The following WDR25 variants were observed in gnomAD, a reference collection of about 807,000 sequenced individuals.
The protein encoded by WDR25 is WD repeat-containing protein 25.
WDR25 carries 35 observed loss-of-function variants against 47.7 expected under a neutral mutation model. The ratio of observed to expected loss-of-function variants is 0.73; its 90% CI spans 0.56 to 0.97. The LOEUF (loss-of-function observed/expected upper bound fraction) is 0.97. Ranked by LOEUF, WDR25 falls within the 50% of genes least tolerant of loss-of-function variation. WDR25 has a pLI of 0.00. For missense variants in WDR25, 634 were observed against 704.7 expected (o/e 0.90, Z 1.14); for synonymous variants, 248 against 278.9 (o/e 0.89, Z 1.10).
rs1898243900 is a variant in WDR25, at chr14:100,428,787, A to G, written c.823-39234A>G. Among the ~76,000 whole-genome samples the G allele has an allele frequency of 6.6e-6, 1 of 152,186 alleles. No individual in the cohort carries two copies. The highest frequency in any genetic ancestry group is 2.4e-5 in the African/African-American group (1 of 41,436). ...TCGCTTTTATTCTACTTTGAATGTA[A>G]TTTAGTTGCACATTCATATTTAAAA... is the stretch of plus-strand genomic sequence containing the variant. On this transcript the variant is annotated intron_variant, in intron 2 of 6. Coordinates refer to ENST00000402312, the MANE Select transcript of WDR25 (RefSeq NM_001161476.3). The surrounding 1 kb of genome is among the most constrained non-coding windows in gnomAD (Gnocchi z 4.3).
rs1898223877 is a variant in WDR25, at chr14:100,428,179, G to A, written c.823-39842G>A. Among the ~76,000 whole-genome samples the A allele has an allele frequency of 6.6e-6, 1 of 152,220 alleles. No individual in the cohort carries two copies. Among genetic ancestry groups the A allele is most frequent in the Non-Finnish European group, 1.5e-5 (1 of 68,050 alleles). ...TGTCGTGTGCTCCGACCGAAGCGTTGGCACTGACCCGTCTAGAATTCTGTG... is the reference window on the plus strand; with the variant it reads ...TGTCGTGTGCTCCGACCGAAGCGTTAGCACTGACCCGTCTAGAATTCTGTG... On this transcript the variant is annotated intron_variant, in intron 2 of 6. Transcript: ENST00000402312. This position sits in a 1 kb window ranked among gnomAD's most constrained non-coding sequence, Gnocchi z 4.3.
intron 2 of WDR25, among the ~76,000 whole-genome samples, chr14:100,459,781 C>A (rs891712137): frequency 6.6e-6 from 1 of 151,254 alleles, no homozygotes; most frequent in Non-Finnish European, 1.5e-5. Flanking sequence ...CTTCTAGCTT[C>A]TGGAACTGTG....
In WDR25 at chr14:100,381,230, G is replaced by A; in HGVS notation, c.306G>A (p.Glu102=). The A allele has an allele frequency of 6.2e-7, 1 of 1,613,932 alleles. No individual in the cohort carries two copies. The highest frequency in any genetic ancestry group is 1.1e-5 in the South Asian group (1 of 91,064). ...PSQRLQWPGK[E]PQVTFPIKEP... ...AGAGGCTACAGTGGCCCGGGAAGGA[G>A]CCTCAAGTCACCTTCCCCATCAAAG... Residue 102 remains glutamate (E), a synonymous_variant, in exon 2 of 7, where the codon GAG becomes GAA. Transcript: ENST00000402312.
intron 2 of WDR25, among the ~76,000 whole-genome samples, chr14:100,459,695 A>G (rs1442073134): frequency 6.6e-6 from 1 of 151,696 alleles, no homozygotes; most frequent in Non-Finnish European, 1.5e-5. Context: ...CTACAAGTCA[A>G]GGAGAGAGGT....
intron 2 of WDR25, among the ~76,000 whole-genome samples, chr14:100,431,152 C>T (rs1898321164): frequency 6.6e-6 from 1 of 152,178 alleles, no homozygotes; most frequent in South Asian, 2.1e-4. Flanking sequence ...TAATGGATGA[C>T]ATTAAAATAT....
Position 100,380,667 on chromosome 14 carries a change from T to C in WDR25, c.-15-243T>C, listed in dbSNP as rs551423550. 8.9e-4 allele frequency among the ~76,000 whole-genome samples: 136 copies of C among 152,048 alleles called. 1 individual carries two copies. The highest frequency in any genetic ancestry group is 3.2e-3 in the African/African-American group (131 of 41,468). On this transcript the variant is annotated intron_variant, in intron 1 of 6. Coordinates refer to ENST00000402312, the MANE Select transcript of WDR25 (RefSeq NM_001161476.3). ...TGCCACCCTGCCTCGCTACTTTTTG[T>C]ATTTTTAGTAGAGACGGGGTTTCAC...
chr14:100,471,373 C>T (rs1316577129), intron 3 of WDR25, among the ~76,000 whole-genome samples: 1 of 152,198 alleles, frequency 6.6e-6, no homozygotes, highest in African/African-American at 2.4e-5. Context: ...GGGGCCTCCA[C>T]CTATGTCTCC....
At chr14:100,413,906 T>G (rs1351993877) in intron 2 of WDR25, among the ~76,000 whole-genome samples, 1 of 152,224 alleles carries the variant, frequency 6.6e-6, no homozygotes, top group African/African-American at 2.4e-5. Flanking sequence ...CTGAGTAGTA[T>G]TCCATTGCAT....
At chr14:100,475,440 T>C (rs1899986221) in intron 3 of WDR25, among the ~76,000 whole-genome samples, 1 of 152,216 alleles carries the variant, frequency 6.6e-6, no homozygotes, top group African/African-American at 2.4e-5. Flanking sequence ...TGGAATACTC[T>C]ACAGCCTTAA....
chr14:100,427,440 G>T (rs759649191), intron 2 of WDR25, among the ~76,000 whole-genome samples: 2 of 152,196 alleles, frequency 1.3e-5, no homozygotes, highest in Non-Finnish European at 2.9e-5. Context: ...ATCACAGTCA[G>T]CAGGGTGCAG....
chr14:100,392,523 C>T lies in WDR25; in HGVS notation c.822+10777C>T, dbSNP rs1897167701. On this transcript the variant is annotated intron_variant, in intron 2 of 6. Transcript: ENST00000402312. This position sits in a 1 kb window ranked among gnomAD's most constrained non-coding sequence, Gnocchi z 4.2. The stretch of plus-strand genomic sequence containing the variant: ...AAACCATAAGCAAAATCCACCAACT[C>T]GACCATACACTGAAATTATCATTAT... Among the ~76,000 whole-genome samples, 8 of 152,104 alleles carry T rather than the reference C, an allele frequency of 5.3e-5. No homozygotes were observed. The South Asian group carries it at 1.5e-3, about 28-fold the overall frequency.
At chr14:100,490,066 T>C (rs1334041329) in intron 4 of WDR25, among the ~76,000 whole-genome samples, 1 of 152,336 alleles carries the variant, frequency 6.6e-6, no homozygotes, top group African/African-American at 2.4e-5. Context: ...TCTAGCTTTG[T>C]CCCACACCCT....
chr14:100,409,187 G>A (rs1035224360), intron 2 of WDR25, among the ~76,000 whole-genome samples: 1 of 152,198 alleles, frequency 6.6e-6, no homozygotes, highest in African/African-American at 2.4e-5. Context: ...TCACAGGGCT[G>A]CCTTTGAGCT....
chr14:100,413,463 G>T (rs1301805213), intron 2 of WDR25, among the ~76,000 whole-genome samples: 1 of 151,510 alleles, frequency 6.6e-6, no homozygotes, highest in Non-Finnish European at 1.5e-5. Context: ...GCCCAGGCTG[G>T]AGTGCAGTGC....
intron 4 of WDR25, among the ~76,000 whole-genome samples, chr14:100,485,957 T>A (rs983994712): frequency 6.6e-6 from 1 of 151,406 alleles, no homozygotes; most frequent in African/African-American, 2.4e-5. Context: ...TAAAAAAAAA[T>A]CACACATTTT....
At chr14:100,456,740 G>A (rs944158760) in intron 2 of WDR25, among the ~76,000 whole-genome samples, 3 of 152,208 alleles carry the variant, frequency 2.0e-5, no homozygotes, top group Non-Finnish European at 4.4e-5. Context: ...GATCATCAGT[G>A]AGCTGTGGGA....
Position 100,407,726 on chromosome 14 carries a change from T to A in WDR25, c.822+25980T>A, listed in dbSNP as rs1453314165. On this transcript the variant is annotated intron_variant, in intron 2 of 6. Coordinates refer to ENST00000402312, the MANE Select transcript of WDR25 (RefSeq NM_001161476.3). The surrounding 1 kb of genome is among the most constrained non-coding windows in gnomAD (Gnocchi z 4.1). ...AAGAACAGGGACCATAGTTTCACACTTCAGTGCCTAAACAGGCCCTGACAC... is the reference window on the plus strand; with the variant it reads ...AAGAACAGGGACCATAGTTTCACACATCAGTGCCTAAACAGGCCCTGACAC... The A allele has an allele frequency of 6.6e-6, 1 of 152,188 alleles. No homozygotes were observed. 9.4% of individuals were successfully genotyped at this position (152,188 alleles called of 1,614,324 possible).
At position 100,425,381 on chromosome 14, in the gene WDR25, A is replaced by G. The variant is rs1037982512; in HGVS notation, c.823-42640A>G. On this transcript the variant is annotated intron_variant, in intron 2 of 6. Coordinates refer to ENST00000402312, the MANE Select transcript of WDR25 (RefSeq NM_001161476.3). This position sits in a 1 kb window ranked among gnomAD's most constrained non-coding sequence, Gnocchi z 4.8. ...ACCCAGGAGTAGCTGTTGGGTGGATATACAAATGTTGCCATAGGTTGCAGA... is the reference window on the plus strand; with the variant it reads ...ACCCAGGAGTAGCTGTTGGGTGGATGTACAAATGTTGCCATAGGTTGCAGA... Among the ~76,000 whole-genome samples the G allele has an allele frequency of 1.3e-5, 2 of 152,264 alleles. No homozygotes were observed. The highest frequency in any genetic ancestry group is 2.9e-5 in the Non-Finnish European group (2 of 68,044).
At chr14:100,376,612 G>C in intron 1 of WDR25, 117 bp downstream of exon 1, 1 of 1,231,966 alleles carries the variant, frequency 8.1e-7, no homozygotes, top group African/African-American at 1.5e-5. Flanking sequence ...TTCACTTCCT[G>C]TTCCTTCAGA....
Sources: gnomAD v4.1 joint callset for allele counts (sites outside exome capture counted in the v4.1 genomes callset) on GRCh38, gnomAD v4.1.1 for gene constraint, Gnocchi (gnomAD v3.1) non-coding constraint, MANE v1.5 for transcripts, NCBI Gene and HGNC (gene_info 2026-07-23, HGNC 2026-07-21) for gene names.